The following HTR2C variants were observed in gnomAD, a reference collection of about 807,000 sequenced individuals.
HTR2C encodes 5-hydroxytryptamine (serotonin) receptor 2C, G protein-coupled.
HTR2C carries 5 observed loss-of-function variants against 21.0 expected under a neutral mutation model. The observed-to-expected ratio is 0.24, with a 90% CI of 0.12 to 0.50. The LOEUF is 0.50. Ranked by LOEUF, HTR2C falls within the 20% of genes least tolerant of loss-of-function variation. The probability of loss-of-function intolerance (pLI) is 0.98; values close to 1 mark genes in which losing one functional copy is unlikely to be tolerated. For missense variants in HTR2C, 271 were observed against 371.2 expected, an observed-to-expected ratio of 0.73 and a Z score of 2.22; for synonymous variants, 150 against 145.3, an observed-to-expected ratio of 1.03 and a Z score of -0.23.
At chrX:114,686,495 G>T (rs1269810685) in intron 2 of HTR2C, among the ~76,000 whole-genome samples, 1 of 110,881 alleles carries the variant, frequency 9.0e-6, no homozygotes, top group Non-Finnish European at 1.9e-5. Flanking sequence ...TTCTGAGAGG[G>T]CCTTAGGTCT....
At chrX:114,726,272 G>T (rs900726094) in intron 2 of HTR2C, among the ~76,000 whole-genome samples, 9 of 112,361 alleles carry the variant, frequency 8.0e-5, no homozygotes, top group Non-Finnish European at 1.7e-4. Context: ...GGAGTGACCC[G>T]ATTTTCCAGG....
intron 4 of HTR2C, among the ~76,000 whole-genome samples, chrX:114,817,079 G>A (rs782767935): frequency 5.5e-4 from 61 of 111,009 alleles, no homozygotes; most frequent in African/African-American, 1.9e-3. Context: ...ATAAACATAA[G>A]CAAAATTAAA....
rs782704538 is a variant in HTR2C, at chrX:114,790,698, C to T, written c.350-57305C>T. Among the ~76,000 whole-genome samples the T allele has an allele frequency of 1.4e-4, 16 of 111,776 alleles. No homozygotes were observed. In the South Asian group the frequency reaches 5.5e-3, roughly 38 times the overall value. Reference sequence around the variant, plus strand: ...TAGAAAATGAATACCCCTTTTCTTTCTCTCATTTAGAAAATAGCACTGCTT... The same window carrying T: ...TAGAAAATGAATACCCCTTTTCTTTTTCTCATTTAGAAAATAGCACTGCTT... On this transcript the variant is annotated intron_variant, in intron 4 of 5. Transcript: ENST00000276198.
chrX:114,814,947 A>G (rs1369359053), intron 4 of HTR2C, among the ~76,000 whole-genome samples: 1 of 102,569 alleles, frequency 9.7e-6, no homozygotes, highest in Non-Finnish European at 2.0e-5. Context: ...TATATACTAT[A>G]TTATATATTA....
intron 4 of HTR2C, among the ~76,000 whole-genome samples, chrX:114,830,183 T>C (rs1276747687): frequency 9.0e-6 from 1 of 111,307 alleles, no homozygotes; most frequent in East Asian, 2.8e-4. Context: ...AGATGGGCAA[T>C]TTAATGATCG....
At chrX:114,870,406 T>C (rs782562596) in intron 5 of HTR2C, among the ~76,000 whole-genome samples, 3 of 111,435 alleles carry the variant, frequency 2.7e-5, no homozygotes, top group East Asian at 2.8e-4. Flanking sequence ...GATGTGTCTG[T>C]CTTTTTTTGG....
chrX:114,902,000 T>C (rs1213633351), intron 5 of HTR2C, among the ~76,000 whole-genome samples: 1 of 111,438 alleles, frequency 9.0e-6, no homozygotes, highest in East Asian at 2.8e-4. Context: ...CCTGATATTT[T>C]CAATGGTAGT....
chrX:114,776,153 G>T, intron 4 of HTR2C: 1 of 536,071 alleles, frequency 1.9e-6, no homozygotes, highest in Admixed American at 2.3e-5. Context: ...AATGAGGATT[G>T]ACACATCAAA....
At chrX:114,661,404 G>T (rs1283846256) in intron 2 of HTR2C, among the ~76,000 whole-genome samples, 1 of 51,494 alleles carries the variant, frequency 1.9e-5, no homozygotes, top group Non-Finnish European at 3.8e-5. Flanking sequence ...GAATGAATTT[G>T]TAAAAAAAAA....
chrX:114,882,820 A>G lies in HTR2C; in HGVS notation c.551-23769A>G, dbSNP rs183611907. ...TGTGTTGTCTTCATCTCATTTTGGT[A>G]TCAGGGTAATTCTGACCTCATAATA... On this transcript the variant is annotated intron_variant, in intron 5 of 5. Transcript: ENST00000276198. 5.6e-4 allele frequency among the ~76,000 whole-genome samples: 62 copies of G among 110,635 alleles called. No homozygotes were observed. In the East Asian group the frequency reaches 0.017, roughly 30 times the overall value.
chrX:114,700,823 G>A (rs1393415172), intron 2 of HTR2C, among the ~76,000 whole-genome samples: 2 of 112,531 alleles, frequency 1.8e-5, no homozygotes, highest in Non-Finnish European at 3.8e-5. Flanking sequence ...AGGGGTGACA[G>A]ACGGCACCTG....
At chrX:114,840,226 G>C (rs1210548877) in intron 4 of HTR2C, among the ~76,000 whole-genome samples, 1 of 109,572 alleles carries the variant, frequency 9.1e-6, no homozygotes, top group Non-Finnish European at 1.9e-5. Flanking sequence ...AAAATTCACC[G>C]AGAAAGATTT....
chrX:114,761,871 C>A (rs1228229179), intron 4 of HTR2C, among the ~76,000 whole-genome samples: 5 of 16,903 alleles, frequency 3.0e-4, no homozygotes, highest in African/African-American at 6.2e-4. Context: ...ATCTCTCTCT[C>A]TCTATATATA....
chrX:114,658,412 T>C (rs1288321098), intron 2 of HTR2C, among the ~76,000 whole-genome samples: 2 of 111,801 alleles, frequency 1.8e-5, no homozygotes, highest in Non-Finnish European at 3.8e-5. Context: ...TTTTATCTTT[T>C]AGTTTGGAAA....
At chrX:114,823,164 C>T (rs906770069) in intron 4 of HTR2C, among the ~76,000 whole-genome samples, 7 of 111,555 alleles carry the variant, frequency 6.3e-5, no homozygotes, top group Admixed American at 9.6e-5. Context: ...GTTTGTAACC[C>T]AGAAAATATC....
At chrX:114,835,863 G>A (rs1351411021) in intron 4 of HTR2C, among the ~76,000 whole-genome samples, 2 of 109,667 alleles carry the variant, frequency 1.8e-5, no homozygotes, top group Non-Finnish European at 3.8e-5. Flanking sequence ...TTTGATGATG[G>A]TGATGTACAG....
At chrX:114,847,392 A>G (rs1166755393) in intron 4 of HTR2C, among the ~76,000 whole-genome samples, 8 of 83,595 alleles carry the variant, frequency 9.6e-5, no homozygotes, top group African/African-American at 3.6e-4. Context: ...AACAATGAGA[A>G]CACATGGACA....
chrX:114,726,710 A>G (rs1392514049), intron 2 of HTR2C, 148 bp from the exon 3 acceptor site: 5 of 304,429 alleles, frequency 1.6e-5, no homozygotes, highest in Non-Finnish European at 2.8e-5. Context: ...ATATTTTATC[A>G]CTTACACAGT....
At chrX:114,754,665 C>G (rs140217148) in intron 4 of HTR2C, among the ~76,000 whole-genome samples, 83 of 110,101 alleles carry the variant, frequency 7.5e-4, no homozygotes, top group African/African-American at 2.5e-3. Context: ...CAATGTAAAA[C>G]TATAAAACTT....
Sources: allele counts gnomAD v4.1 joint callset (sites outside exome capture counted in the v4.1 genomes callset), GRCh38; gene constraint gnomAD v4.1.1; transcripts MANE v1.5; gene names NCBI Gene and HGNC (gene_info 2026-07-23, HGNC 2026-07-21).